MSH3: variants seen among roughly 807,000 people sequenced by gnomAD.
MSH3 encodes the protein mutS homolog 3.
MSH3 carries 106 observed loss-of-function variants against 123.3 expected under a neutral mutation model. The observed-to-expected ratio is 0.86, with a 90% CI of 0.73 to 1.01. MSH3 has a LOEUF of 1.01. Ranked by LOEUF, MSH3 falls within the 50% of genes least tolerant of loss-of-function variation. The pLI, the probability that MSH3 is intolerant of heterozygous loss-of-function variation, is 0.00. For missense variants in MSH3, 1,459 were observed against 1,347.6 expected, an observed-to-expected ratio of 1.08 and a Z score of -1.29; for synonymous variants, 515 against 481.4, an observed-to-expected ratio of 1.07 and a Z score of -0.91.
Position 80,839,086 on chromosome 5 carries a change from G to A in MSH3, c.2814-15044G>A, listed in dbSNP as rs573767117. 3.3e-5 allele frequency among the ~76,000 whole-genome samples: 5 copies of A among 152,160 alleles called. No homozygotes were observed. In the South Asian group the frequency reaches 1.0e-3, roughly 32 times the overall value. On this transcript the variant is annotated intron_variant, in intron 20 of 23. Transcript: ENST00000265081. ...TTTAACTTTAAATTAAACTAAATTG[G>A]CTGGGTGCGGTGGCTCAAACTTGTA... is the stretch of plus-strand genomic sequence containing the variant.
rs1312118060 is a variant in MSH3, at chr5:80,766,371, A to G, written c.1897-1562A>G. On this transcript the variant is annotated intron_variant, in intron 13 of 23. Coordinates refer to ENST00000265081, the MANE Select transcript of MSH3 (RefSeq NM_002439.5). ...TTTTTTTTTTTTTTTTTTGAGACGG[A>G]ATCTTGCTCTGTTGCCCAGGCAGGA... Among the ~76,000 whole-genome samples, 3 of 108,660 alleles carry G rather than the reference A, an allele frequency of 2.8e-5. No homozygotes were observed. The South Asian group carries it at 8.4e-4, about 30-fold the overall frequency. 71.3% of individuals were successfully genotyped at this position (108,660 alleles called of 152,430 possible).
Position 80,834,669 on chromosome 5 carries a change from AAAT to A in MSH3, c.2814-19453_2814-19451del, listed in dbSNP as rs530982222. Among the ~76,000 whole-genome samples the A allele has an allele frequency of 3.4e-3, 507 of 148,632 alleles. 2 individuals carry two copies. The highest frequency in any genetic ancestry group is 6.2e-3 in the Admixed American group (93 of 14,888). ...AATACTTAAAATATATATAAATATA[AAAT>A]AATAATACTTAAAAATAATAAAGTA... On this transcript the variant is annotated intron_variant, in intron 20 of 23. Coordinates refer to ENST00000265081, the MANE Select transcript of MSH3 (RefSeq NM_002439.5).
At chr5:80,857,868 T>G (rs1277740107) in intron 21 of MSH3, among the ~76,000 whole-genome samples, 1 of 152,114 alleles carries the variant, frequency 6.6e-6, no homozygotes, top group Non-Finnish European at 1.5e-5. Context: ...CCCATTGCTT[T>G]CTTGTTTTAA....
chr5:80,745,222 T>C (rs1743694846), intron 12 of MSH3, among the ~76,000 whole-genome samples: 1 of 152,166 alleles, frequency 6.6e-6, no homozygotes, highest in African/African-American at 2.4e-5. Context: ...TACTCATGCC[T>C]GTGTCCAGCC....
At chr5:80,667,580 G>A (rs1749599560) in intron 3 of MSH3, among the ~76,000 whole-genome samples, 1 of 152,186 alleles carries the variant, frequency 6.6e-6, no homozygotes, top group Non-Finnish European at 1.5e-5. Context: ...GGAGTGGTGA[G>A]GGTGAGGGGT....
Position 80,720,403 on chromosome 5 carries a change from TG to T in MSH3, c.1341-5049del, listed in dbSNP as rs375813297. On this transcript the variant is annotated intron_variant, in intron 8 of 23. Coordinates refer to ENST00000265081, the MANE Select transcript of MSH3 (RefSeq NM_002439.5). The stretch of plus-strand genomic sequence containing the variant: ...GTCTTCTTTGCCAACCTTTTGTATT[TG>T]TTACTTTCTTTCAATCTTTCAAATC... 2.1e-3 allele frequency among the ~76,000 whole-genome samples: 313 copies of T among 152,314 alleles called. 2 individuals are homozygous for T. Among genetic ancestry groups the T allele is most frequent in the African/African-American group, 7.2e-3 (301 of 41,576 alleles).
chr5:80,725,362 C>CTT, intron 8 of MSH3, 91 bp from the exon 9 acceptor site: 9 of 741,564 alleles, frequency 1.2e-5, no homozygotes, highest in South Asian at 1.7e-5. Flanking sequence ...AAATCTTTAT[C>CTT]TTTTTTTTTT....
rs755649252 is a variant in MSH3, at chr5:80,744,501, C to T, written c.1654-5C>T. ...TAATAAAACTTGTTTTCTGGTCTTT[C>T]TTAGACTGATATGAAAACCAAAGGA... On this transcript the variant is annotated splice_polypyrimidine_tract_variant and splice_region_variant and intron_variant, in intron 11 of 23. Coordinates refer to ENST00000265081, the MANE Select transcript of MSH3 (RefSeq NM_002439.5). 2 of 1,606,266 alleles carry T rather than the reference C, an allele frequency of 1.2e-6. No individual in the cohort carries two copies. The highest frequency in any genetic ancestry group is 1.7e-6 in the Non-Finnish European group (2 of 1,173,490).
intron 20 of MSH3, among the ~76,000 whole-genome samples, chr5:80,826,768 C>G (rs539763983): frequency 6.6e-6 from 1 of 152,200 alleles, no homozygotes; most frequent in African/African-American, 2.4e-5. Context: ...AAGCTGGTCT[C>G]GAACTCCTAA....
chr5:80,668,967 C>G (rs1223358683), intron 3 of MSH3, among the ~76,000 whole-genome samples: 3 of 152,220 alleles, frequency 2.0e-5, no homozygotes, highest in African/African-American at 7.2e-5. Context: ...TGCGCCTCTC[C>G]TACTGCAGCT....
chr5:80,806,855 C>T (rs1041847003), intron 19 of MSH3, among the ~76,000 whole-genome samples: 6 of 152,082 alleles, frequency 3.9e-5, no homozygotes, highest in African/African-American at 9.7e-5. Flanking sequence ...GAATATGTCC[C>T]TCCATGAAAC....
intron 8 of MSH3, among the ~76,000 whole-genome samples, chr5:80,699,086 C>T (rs565940756): frequency 6.6e-5 from 10 of 152,148 alleles, no homozygotes; most frequent in Admixed American, 3.9e-4. Context: ...TGATGGGGAC[C>T]GTAGCCTAGT....
intron 20 of MSH3, among the ~76,000 whole-genome samples, chr5:80,834,778 G>A (rs1745480423): frequency 6.6e-6 from 1 of 151,934 alleles, no homozygotes; most frequent in African/African-American, 2.4e-5. Context: ...CAAGACCATT[G>A]CCTAATAAAA....
intron 18 of MSH3, among the ~76,000 whole-genome samples, chr5:80,791,775 G>A (rs1744611487): frequency 6.6e-6 from 1 of 152,166 alleles, no homozygotes; most frequent in Non-Finnish European, 1.5e-5. Context: ...ATTACAGTAT[G>A]ACTTTTCCAA....
intron 12 of MSH3, among the ~76,000 whole-genome samples, chr5:80,745,149 C>G (rs996049401): frequency 6.6e-6 from 1 of 152,158 alleles, no homozygotes. Context: ...GAATCCAGTG[C>G]CTAACATACA....
At chr5:80,684,458 G>T (rs375308284) in intron 8 of MSH3, among the ~76,000 whole-genome samples, 6 of 151,872 alleles carry the variant, frequency 4.0e-5, no homozygotes, top group Non-Finnish European at 8.8e-5. Context: ...TTACTTTTTT[G>T]ATTTCTTTTT....
chr5:80,692,253 G>A (rs1580565032), intron 8 of MSH3, among the ~76,000 whole-genome samples: 1 of 65,518 alleles, frequency 1.5e-5, no homozygotes, highest in Admixed American at 1.7e-4. Context: ...TGTTTAGATA[G>A]ATAGATAAAC....
intron 8 of MSH3, among the ~76,000 whole-genome samples, chr5:80,716,337 T>C (rs1750959887): frequency 6.6e-6 from 1 of 152,208 alleles, no homozygotes; most frequent in South Asian, 2.1e-4. Flanking sequence ...GTTCTAAAGG[T>C]CGATTCTTAA....
intron 17 of MSH3, among the ~76,000 whole-genome samples, chr5:80,781,369 TC>T (rs1744406315): frequency 6.6e-6 from 1 of 152,176 alleles, no homozygotes; most frequent in Non-Finnish European, 1.5e-5. Context: ...TGGCTTCTAT[TC>T]TCTTGTCATT....
Sources: gnomAD v4.1 joint callset for allele counts (sites outside exome capture counted in the v4.1 genomes callset) on GRCh38, gnomAD v4.1.1 for gene constraint, MANE v1.5 for transcripts, NCBI Gene and HGNC (gene_info 2026-07-23, HGNC 2026-07-21) for gene names.